The following RTN1 variants were observed in gnomAD, a reference collection of about 807,000 sequenced individuals.
RTN1 encodes reticulon 1.
Under a neutral mutation model 65.5 loss-of-function variants are expected in RTN1, and 25 were observed. The ratio of observed to expected loss-of-function variants is 0.38; its 90% confidence interval spans 0.28 to 0.53. The LOEUF (loss-of-function observed/expected upper bound fraction) is 0.53. Among genes scored for constraint, RTN1 ranks in the 20% least tolerant of loss-of-function variants. The probability of loss-of-function intolerance (pLI) is 0.79; values close to 1 mark genes in which losing one functional copy is unlikely to be tolerated. For synonymous variants in RTN1, 471 were observed against 447.6 expected (o/e 1.05, Z -0.66); for missense variants, 983 against 1,025.4 (o/e 0.96, Z 0.57).
rs1343500284 is a variant in RTN1, at chr14:59,749,578, TATAG to T, written c.242-3101_242-3098del. Among the ~76,000 whole-genome samples, 118 of 39,174 alleles carry T rather than the reference TATAG, an allele frequency of 3.0e-3. 1 individual carries two copies. Among genetic ancestry groups the T allele is most frequent in the East Asian group, 9.3e-3 (14 of 1,510 alleles). 25.7% of individuals were successfully genotyped at this position (39,174 alleles called of 152,430 possible). A position where few individuals can be genotyped will look rare whatever the true frequency, so the allele number is the denominator to read the frequency against. ...AGATATCTATATATAGATATATATA[TATAG>T]ATATTTATATATATATCTATCTATA... On this transcript the variant is annotated intron_variant, in intron 1 of 8. Transcript: ENST00000267484.
chr14:59,811,445 C>G (rs922818162), intron 1 of RTN1, among the ~76,000 whole-genome samples: 26 of 152,154 alleles, frequency 1.7e-4, no homozygotes, highest in African/African-American at 5.3e-4. Flanking sequence ...AAATATAGAT[C>G]TATATCTACT....
In RTN1 at chr14:59,747,536, G is replaced by A. The variant is rs374766771; in HGVS notation, c.242-1055C>T. Among the ~76,000 whole-genome samples, 7 of 152,194 alleles carry A rather than the reference G, an allele frequency of 4.6e-5. No homozygotes were observed. In the East Asian group the frequency reaches 7.7e-4, roughly 17 times the overall value. ...ATGCAGGAGAATTGCTTGAACCCAG[G>A]AGGAGGTTGCGGTAAGCTGAGATTG... On this transcript the variant is annotated intron_variant, in intron 1 of 8. Coordinates refer to ENST00000267484, the MANE Select transcript of RTN1 (RefSeq NM_021136.3).
rs1887465743 is a variant in RTN1 at position 59,849,391 on chromosome 14, T to C, written c.241+20999A>G. ...AAAGAAAAACCAATTAACTCCCTGATATTGCTATCTAAACACTGCATTTGC... is the reference window on the plus strand; with the variant it reads ...AAAGAAAAACCAATTAACTCCCTGACATTGCTATCTAAACACTGCATTTGC... On this transcript the variant is annotated intron_variant, in intron 1 of 8. Transcript: ENST00000267484. The surrounding 1 kb of genome is among the most constrained non-coding windows in gnomAD (Gnocchi z 4.5). Among the ~76,000 whole-genome samples, 1 of 152,212 alleles carries C rather than the reference T, an allele frequency of 6.6e-6. No individual in the cohort carries two copies. Among genetic ancestry groups the C allele is most frequent in the African/African-American group, 2.4e-5 (1 of 41,446 alleles).
intron 3 of RTN1, among the ~76,000 whole-genome samples, chr14:59,687,807 G>T (rs1883879183): frequency 6.6e-6 from 1 of 151,950 alleles, no homozygotes. Context: ...AAATCTCCAA[G>T]CATTTGGAGC....
intron 3 of RTN1, among the ~76,000 whole-genome samples, chr14:59,608,315 T>C (rs112776802): frequency 0.06 from 9,160 of 152,304 alleles, 351 homozygotes; most frequent in Non-Finnish European, 0.087. Flanking sequence ...TAAGTGGTAG[T>C]GGTTTGTACT....
At chr14:59,865,031 A>G (rs1425188132) in intron 1 of RTN1, among the ~76,000 whole-genome samples, 2 of 152,154 alleles carry the variant, frequency 1.3e-5, no homozygotes, top group African/African-American at 2.4e-5. Context: ...GAGTTCCTAG[A>G]CATAGGAAGG....
At chr14:59,792,721 C>T (rs754983921) in intron 1 of RTN1, among the ~76,000 whole-genome samples, 13 of 152,074 alleles carry the variant, frequency 8.5e-5, no homozygotes, top group Non-Finnish European at 1.6e-4. Context: ...AATATTATCA[C>T]CTCAACAACC....
At chr14:59,600,255 G>A (rs1025594192) in intron 8 of RTN1, among the ~76,000 whole-genome samples, 1 of 152,052 alleles carries the variant, frequency 6.6e-6, no homozygotes, top group Non-Finnish European at 1.5e-5. Flanking sequence ...TCTCTAAGCA[G>A]TAATCGGATG....
At chr14:59,817,924 C>T (rs558450388) in intron 1 of RTN1, among the ~76,000 whole-genome samples, 9 of 152,066 alleles carry the variant, frequency 5.9e-5, no homozygotes, top group African/African-American at 9.7e-5. Flanking sequence ...GTTTGTTACA[C>T]GAGTAAATTG....
intron 3 of RTN1, among the ~76,000 whole-genome samples, chr14:59,615,218 G>C (rs1190432354): frequency 1.3e-5 from 2 of 152,146 alleles, no homozygotes; most frequent in Admixed American, 6.5e-5. Context: ...GGGAGGCTGA[G>C]GGTGGTGGAT....
chr14:59,794,906 A>G lies in RTN1; in HGVS notation c.242-48425T>C, dbSNP rs1174463907. ...TCTAGCAAAAAAGTTTTTCCACTACAGGAGAAGAAAAGAATAGATACTGGA... is the reference window on the plus strand; with the variant it reads ...TCTAGCAAAAAAGTTTTTCCACTACGGGAGAAGAAAAGAATAGATACTGGA... On this transcript the variant is annotated intron_variant, in intron 1 of 8. Coordinates refer to ENST00000267484, the MANE Select transcript of RTN1 (RefSeq NM_021136.3). The surrounding 1 kb of genome is among the most constrained non-coding windows in gnomAD (Gnocchi z 5.1). 2.0e-5 allele frequency among the ~76,000 whole-genome samples: 3 copies of G among 152,196 alleles called. No individual in the cohort carries two copies. The highest frequency in any genetic ancestry group is 4.4e-5 in the Non-Finnish European group (3 of 68,030).
chr14:59,751,189 A>G (rs115095117), intron 1 of RTN1, among the ~76,000 whole-genome samples: 2,321 of 120,226 alleles, frequency 0.019, 69 homozygotes, highest in African/African-American at 0.074. Context: ...TTCTCATTAT[A>G]CCTTTTTTTT....
intron 2 of RTN1, among the ~76,000 whole-genome samples, chr14:59,732,733 C>G (rs867542696): frequency 7.2e-5 from 11 of 152,316 alleles, no homozygotes; most frequent in Middle Eastern, 3.4e-3. Context: ...CTAGGATCCC[C>G]CAACAAATAT....
At chr14:59,811,485 C>A (rs564067182) in intron 1 of RTN1, among the ~76,000 whole-genome samples, 1 of 152,116 alleles carries the variant, frequency 6.6e-6, no homozygotes, top group Non-Finnish European at 1.5e-5. Context: ...ATTGTAAGTA[C>A]GTATCAATTC....
chr14:59,841,629 C>A (rs1354245727), intron 1 of RTN1, among the ~76,000 whole-genome samples: 1 of 151,236 alleles, frequency 6.6e-6, no homozygotes, highest in Non-Finnish European at 1.5e-5. Flanking sequence ...ATCACTTGAA[C>A]CCAGGAGGCA....
At chr14:59,667,616 C>T (rs1883408565) in intron 3 of RTN1, among the ~76,000 whole-genome samples, 2 of 152,164 alleles carry the variant, frequency 1.3e-5, no homozygotes, top group Non-Finnish European at 2.9e-5. Context: ...CCAGGGCAAT[C>T]AGGCAAGAGA....
chr14:59,630,646 G>C, intron 3 of RTN1: 1 of 1,313,342 alleles, frequency 7.6e-7, no homozygotes, highest in South Asian at 2.1e-5. Flanking sequence ...GGCGGCGCGC[G>C]GTGAGGGGCG....
chr14:59,789,593 G>A (rs920461622), intron 1 of RTN1, among the ~76,000 whole-genome samples: 4 of 152,198 alleles, frequency 2.6e-5, no homozygotes, highest in East Asian at 1.9e-4. Context: ...AATTTTGCAC[G>A]TTTGAAAATA....
chr14:59,777,754 C>A (rs1313240255), intron 1 of RTN1, among the ~76,000 whole-genome samples: 1 of 151,614 alleles, frequency 6.6e-6, no homozygotes, highest in African/African-American at 2.4e-5. Context: ...CCCTCTTTTT[C>A]TTTCTAGGTC....
Sources: allele counts gnomAD v4.1 joint callset (sites outside exome capture counted in the v4.1 genomes callset), GRCh38; gene constraint gnomAD v4.1.1; non-coding constraint Gnocchi (gnomAD v3.1); transcripts MANE v1.5; gene names NCBI Gene and HGNC (gene_info 2026-07-23, HGNC 2026-07-21).